Variants in IL1RAPL1 observed in about 807,000 individuals in gnomAD.
IL1RAPL1 encodes the protein interleukin-1 receptor accessory protein-like 1.
Under a neutral mutation model 48.4 loss-of-function variants are expected in IL1RAPL1, and 3 were observed. The observed-to-expected ratio is 0.06, with a 90% CI of 0.03 to 0.16. The LOEUF (loss-of-function observed/expected upper bound fraction) is 0.16. Among genes scored for constraint, IL1RAPL1 ranks in the 10% least tolerant of loss-of-function variants. The pLI is 1.00. For synonymous variants in IL1RAPL1, 185 were observed against 187.7 expected (o/e 0.99, Z 0.12); for missense variants, 349 against 530.6 (o/e 0.66, Z 3.36).
intron 2 of IL1RAPL1, among the ~76,000 whole-genome samples, chrX:29,110,083 TG>T (rs1029124576): frequency 8.9e-6 from 1 of 111,907 alleles, no homozygotes; most frequent in Admixed American, 9.5e-5. Flanking sequence ...AAAAAGCCTT[TG>T]GTAAAATTCT....
At chrX:29,933,146 G>A (rs1932974227) in intron 8 of IL1RAPL1, among the ~76,000 whole-genome samples, 1 of 110,831 alleles carries the variant, frequency 9.0e-6, no homozygotes, top group Middle Eastern at 4.7e-3. Flanking sequence ...AGAACACAGG[G>A]ACACAGGGAG....
intron 2 of IL1RAPL1, among the ~76,000 whole-genome samples, chrX:29,241,565 A>G (rs947534268): frequency 4.5e-5 from 5 of 111,402 alleles, no homozygotes; most frequent in African/African-American, 1.6e-4. Flanking sequence ...AAAAAAGGAA[A>G]TACAGCAGGG....
chrX:29,767,929 G>T (rs1361873852), intron 6 of IL1RAPL1, among the ~76,000 whole-genome samples: 1 of 109,025 alleles, frequency 9.2e-6, no homozygotes, highest in African/African-American at 3.4e-5. Context: ...TCTGTGCTAA[G>T]TTTATTCAGT....
chrX:29,562,097 CTATCTATCTATCTATCTAATCT>C (rs1569339295), intron 5 of IL1RAPL1, among the ~76,000 whole-genome samples: 8 of 71,571 alleles, frequency 1.1e-4, no homozygotes, highest in African/African-American at 5.0e-4. Flanking sequence ...ATCTGTCTAT[CTATCTATCTATCTATCTAATCT>C]ATCTATCTAT....
intron 5 of IL1RAPL1, among the ~76,000 whole-genome samples, chrX:29,574,022 A>G (rs1261008643): frequency 9.0e-6 from 1 of 110,628 alleles, no homozygotes; most frequent in Non-Finnish European, 1.9e-5. Flanking sequence ...TGCTATAAAG[A>G]ACTACCTGAG....
At chrX:29,739,379 TATAC>T (rs997713405) in intron 6 of IL1RAPL1, among the ~76,000 whole-genome samples, 2 of 111,860 alleles carry the variant, frequency 1.8e-5, no homozygotes, top group African/African-American at 6.5e-5. Flanking sequence ...AAAACTTCCT[TATAC>T]ATTGTTTCCT....
At chrX:29,204,459 C>G (rs1318358291) in intron 2 of IL1RAPL1, among the ~76,000 whole-genome samples, 1 of 111,206 alleles carries the variant, frequency 9.0e-6, no homozygotes, top group African/African-American at 3.3e-5. Flanking sequence ...TTGCATTTCC[C>G]TGATAATTAG....
chrX:29,921,005 GAAT>G (rs1390682797), intron 8 of IL1RAPL1, among the ~76,000 whole-genome samples: 1 of 110,770 alleles, frequency 9.0e-6, no homozygotes, highest in Admixed American at 9.7e-5. Context: ...CTCCAATGAT[GAAT>G]AATAATGCAT....
intron 2 of IL1RAPL1, among the ~76,000 whole-genome samples, chrX:28,990,602 G>T (rs918692160): frequency 9.0e-6 from 1 of 111,523 alleles, no homozygotes; most frequent in Non-Finnish European, 1.9e-5. Context: ...ATACCATCAG[G>T]TTGCCAAAGG....
chrX:29,260,858 A>G (rs1255532815), intron 2 of IL1RAPL1, among the ~76,000 whole-genome samples: 2 of 108,927 alleles, frequency 1.8e-5, no homozygotes, highest in Non-Finnish European at 3.8e-5. Context: ...CCACTTATAT[A>G]GTTAATTTTT....
intron 3 of IL1RAPL1, among the ~76,000 whole-genome samples, chrX:29,379,703 T>G (rs1287323215): frequency 9.0e-6 from 1 of 111,558 alleles, no homozygotes; most frequent in African/African-American, 3.3e-5. Context: ...GTTCCCAGAT[T>G]CCTCTCTCTT....
intron 3 of IL1RAPL1, among the ~76,000 whole-genome samples, chrX:29,364,201 A>G (rs1253839622): frequency 8.9e-6 from 1 of 112,140 alleles, no homozygotes. Flanking sequence ...GATAAAAACA[A>G]AAAGTACAGT....
rs891069652 is a variant in IL1RAPL1 at position 29,322,019 on chromosome X, A to C, written c.362+38802A>C. Among the ~76,000 whole-genome samples the C allele has an allele frequency of 4.0e-4, 44 of 110,582 alleles. 1 individual carries two copies. Among genetic ancestry groups the C allele is most frequent in the Admixed American group, 6.7e-4 (7 of 10,391 alleles). ...AAAAATCATATTTTGCAAAAAAAAA[A>C]CCCTAATTTTCAATTACACTATGAA... On this transcript the variant is annotated intron_variant, in intron 3 of 10. Coordinates refer to ENST00000378993, the MANE Select transcript of IL1RAPL1 (RefSeq NM_014271.4).
intron 2 of IL1RAPL1, among the ~76,000 whole-genome samples, chrX:28,973,409 C>T (rs1925131283): frequency 8.9e-6 from 1 of 112,085 alleles, no homozygotes; most frequent in Non-Finnish European, 1.9e-5. Context: ...CAATTTTGCA[C>T]GTGTTGGAAT....
intron 6 of IL1RAPL1, among the ~76,000 whole-genome samples, chrX:29,803,191 GTATA>G (rs1930082128): frequency 8.5e-5 from 2 of 23,613 alleles, no homozygotes; most frequent in Non-Finnish European, 1.6e-4. Context: ...ATGTATATAT[GTATA>G]CATATACACA....
chrX:29,796,201 A>T (rs1272585813), intron 6 of IL1RAPL1, among the ~76,000 whole-genome samples: 1 of 112,346 alleles, frequency 8.9e-6, no homozygotes, highest in Non-Finnish European at 1.9e-5. Context: ...ATCTCTTTTA[A>T]GGTGAAAGGT....
intron 1 of IL1RAPL1, among the ~76,000 whole-genome samples, chrX:28,767,633 G>A (rs751682602): frequency 1.1e-4 from 12 of 110,331 alleles, no homozygotes; most frequent in African/African-American, 3.9e-4. Flanking sequence ...GTGTGTATGT[G>A]CATGTGCGTG....
intron 5 of IL1RAPL1, among the ~76,000 whole-genome samples, chrX:29,486,728 C>T (rs1935100842): frequency 9.2e-6 from 1 of 108,179 alleles, no homozygotes; most frequent in Non-Finnish European, 1.9e-5. Flanking sequence ...TCAGACATCA[C>T]AGGGACTGCA....
intron 3 of IL1RAPL1, among the ~76,000 whole-genome samples, chrX:29,387,770 A>G (rs1231032862): frequency 1.8e-5 from 2 of 111,169 alleles, no homozygotes; most frequent in Non-Finnish European, 3.8e-5. Context: ...AGGTGGGTGG[A>G]TCATTTGAGG....
Sources: allele counts gnomAD v4.1 joint callset (sites outside exome capture counted in the v4.1 genomes callset), GRCh38; gene constraint gnomAD v4.1.1; transcripts MANE v1.5; gene names NCBI Gene and HGNC (gene_info 2026-07-23, HGNC 2026-07-21).